Variants in ABCD2 observed in about 807,000 individuals in gnomAD.
The protein encoded by ABCD2 is ATP binding cassette subfamily D member 2.
ABCD2 carries 36 observed loss-of-function variants against 70.9 expected under a neutral mutation model. The ratio of observed to expected loss-of-function variants is 0.51; its 90% confidence interval spans 0.39 to 0.67. ABCD2 has a LOEUF of 0.67. ABCD2 is among the 30% of genes least tolerant of loss of function. ABCD2 has a pLI of 0.00. For missense variants in ABCD2, 729 were observed against 890.2 expected, an observed-to-expected ratio of 0.82 and a Z score of 2.30; for synonymous variants, 304 against 306.9, an observed-to-expected ratio of 0.99 and a Z score of 0.10.
At chr12:39,596,855 C>T (rs927262685) in intron 6 of ABCD2, among the ~76,000 whole-genome samples, 1 of 152,092 alleles carries the variant, frequency 6.6e-6, no homozygotes, top group African/African-American at 2.4e-5. Flanking sequence ...TCCACAGATG[C>T]CTTTATATAA....
At chr12:39,610,664 C>G (rs1942032998) in intron 2 of ABCD2, among the ~76,000 whole-genome samples, 1 of 152,122 alleles carries the variant, frequency 6.6e-6, no homozygotes, top group Non-Finnish European at 1.5e-5. Flanking sequence ...AAAACATTTG[C>G]ACAGATGGAC....
Position 39,557,717 on chromosome 12 carries a change from C to T in ABCD2, c.2004-3586G>A, listed in dbSNP as rs146956076. On this transcript the variant is annotated intron_variant, in intron 9 of 9. Transcript: ENST00000308666. ...ATGTCCCAGCTGTGGCTAAAATGGG[C>T]CAAGGTACAGCTCAGGCCATTCCTT... Among the ~76,000 whole-genome samples, 226 of 152,220 alleles carry T rather than the reference C, an allele frequency of 1.5e-3. 1 individual carries two copies. The East Asian group carries it at 0.017, about 12-fold the overall frequency.
intron 7 of ABCD2, among the ~76,000 whole-genome samples, chr12:39,585,714 T>A (rs575142513): frequency 1.3e-5 from 2 of 152,218 alleles, no homozygotes; most frequent in Admixed American, 1.3e-4. Context: ...GTGTGCTGCT[T>A]GAGAGCAAAA....
intron 9 of ABCD2, 72 bp downstream of exon 9, chr12:39,573,644 A>T: frequency 1.3e-6 from 2 of 1,545,864 alleles, no homozygotes; most frequent in Non-Finnish European, 1.8e-6. Flanking sequence ...ACTGTGAAAA[A>T]TTTAGCAAAG....
At chr12:39,538,095 T>A in the ABCD2 span, among the ~76,000 whole-genome samples, 1 of 151,876 alleles carries the variant, frequency 6.6e-6, no homozygotes, top group East Asian at 1.9e-4. Flanking sequence ...CCCCCCAAAA[T>A]TCTGTAATGG....
the ABCD2 span, among the ~76,000 whole-genome samples, chr12:39,531,737 G>A: frequency 1.3e-5 from 2 of 152,164 alleles, no homozygotes; most frequent in African/African-American, 2.4e-5. Context: ...GCTTTTTTGT[G>A]AGGGGCTGTC....
At chr12:39,562,020 A>C (rs1350109930) in intron 9 of ABCD2, among the ~76,000 whole-genome samples, 1 of 152,182 alleles carries the variant, frequency 6.6e-6, no homozygotes, top group East Asian at 1.9e-4. Context: ...TAAACCTAGA[A>C]ATCAATAAAC....
chr12:39,562,934 A>T (rs1197207997), intron 9 of ABCD2, among the ~76,000 whole-genome samples: 2 of 152,222 alleles, frequency 1.3e-5, no homozygotes, highest in Non-Finnish European at 2.9e-5. Context: ...AGCAAACTGA[A>T]TTCAACAGCA....
rs1180715357 is a variant in ABCD2, at chr12:39,600,551, A to T, written c.1646+20T>A. 1 of 1,528,752 alleles carries T rather than the reference A, an allele frequency of 6.5e-7. No homozygotes were observed. The highest frequency in any genetic ancestry group is 8.8e-7 in the Non-Finnish European group (1 of 1,137,798). The allele number at this position is 1,528,752 out of a possible 1,614,324, so 94.7% of individuals were successfully genotyped here. On this transcript the variant is annotated intron_variant, in intron 6 of 9. Transcript: ENST00000308666. Reference sequence around the variant, plus strand: ...GAGCAAAAGGAAATTGTTTCTTGTAATATAAAAAGATATACCTACCTTTGT... The same window carrying T: ...GAGCAAAAGGAAATTGTTTCTTGTATTATAAAAAGATATACCTACCTTTGT...
rs1260819913 is a variant in ABCD2, at chr12:39,550,152, G to A, written c.*3760C>T. ...ATTAATATTTAAATAACTATTTGGTGACTATTGTCTATAGTTCTACACACG... is the reference window on the plus strand; with the variant it reads ...ATTAATATTTAAATAACTATTTGGTAACTATTGTCTATAGTTCTACACACG... On this transcript the variant is annotated 3_prime_UTR_variant, in exon 10 of 10. Coordinates refer to ENST00000308666, the MANE Select transcript of ABCD2 (RefSeq NM_005164.4). The A allele has an allele frequency of 2.6e-5, 4 of 151,584 alleles. No individual in the cohort carries two copies. Among genetic ancestry groups the A allele is most frequent in the African/African-American group, 9.7e-5 (4 of 41,340 alleles). 9.4% of individuals were successfully genotyped at this position (151,584 alleles called of 1,614,324 possible).
intron 7 of ABCD2, among the ~76,000 whole-genome samples, chr12:39,581,588 A>T (rs1379566555): frequency 2.6e-5 from 4 of 152,226 alleles, no homozygotes; most frequent in Non-Finnish European, 5.9e-5. Flanking sequence ...CATAGTATTT[A>T]TGAAATGTAA....
the ABCD2 span, among the ~76,000 whole-genome samples, chr12:39,536,717 G>A: frequency 6.6e-6 from 1 of 152,120 alleles, no homozygotes; most frequent in African/African-American, 2.4e-5. Flanking sequence ...TGAGCTGAAG[G>A]AGAAAACGTT....
chr12:39,603,605 A>G (rs1372074047), intron 5 of ABCD2, among the ~76,000 whole-genome samples: 1 of 152,066 alleles, frequency 6.6e-6, no homozygotes, highest in East Asian at 1.9e-4. Context: ...TAATTTCTAT[A>G]AGGCAAAAAA....
intron 9 of ABCD2, among the ~76,000 whole-genome samples, chr12:39,560,697 A>G (rs1193052561): frequency 6.6e-6 from 1 of 152,176 alleles, no homozygotes; most frequent in Non-Finnish European, 1.5e-5. Flanking sequence ...AAAATTCAAA[A>G]TGGGGAGATA....
chr12:39,558,730 G>A (rs1312429899), intron 9 of ABCD2, among the ~76,000 whole-genome samples: 1 of 152,138 alleles, frequency 6.6e-6, no homozygotes, highest in Non-Finnish European at 1.5e-5. Flanking sequence ...CCTGAACTGT[G>A]AGTCAATTAA....
At chr12:39,597,419 C>A (rs911432468) in intron 6 of ABCD2, among the ~76,000 whole-genome samples, 1 of 152,064 alleles carries the variant, frequency 6.6e-6, no homozygotes, top group East Asian at 1.9e-4. Context: ...TAGGAAGTAA[C>A]AAATAGGCCA....
chr12:39,539,718 T>G, the ABCD2 span: 1 of 153,736 alleles, frequency 6.5e-6, no homozygotes, highest in Non-Finnish European at 1.5e-5. Flanking sequence ...CCAAGTGCAG[T>G]GCCTTATAAG....
chr12:39,535,266 A>G, the ABCD2 span, among the ~76,000 whole-genome samples: 1 of 152,246 alleles, frequency 6.6e-6, no homozygotes, highest in Non-Finnish European at 1.5e-5. Context: ...CATCTAATCT[A>G]ACTCCTAACT....
intron 2 of ABCD2, among the ~76,000 whole-genome samples, chr12:39,611,805 G>C (rs1441505660): frequency 6.6e-6 from 1 of 151,924 alleles, no homozygotes; most frequent in Non-Finnish European, 1.5e-5. Context: ...GTGTGTGTGT[G>C]TATGTGTATG....
Sources: gnomAD v4.1 joint callset for allele counts (sites outside exome capture counted in the v4.1 genomes callset) on GRCh38, gnomAD v4.1.1 for gene constraint, MANE v1.5 for transcripts, NCBI Gene and HGNC (gene_info 2026-07-23, HGNC 2026-07-21) for gene names.